SNAPC5: variants seen among roughly 807,000 people sequenced by gnomAD.
The protein encoded by SNAPC5 is small nuclear RNA activating complex polypeptide 5, also known as snRNA-activating protein complex subunit 5.
SNAPC5 carries 12 observed loss-of-function variants against 9.1 expected under a neutral mutation model. The ratio of observed to expected loss-of-function variants is 1.32; its 90% CI spans 0.85 to 2.15. The LOEUF (loss-of-function observed/expected upper bound fraction) is 2.15, where lower values mean the gene tolerates loss of function less well. Among genes scored for constraint, SNAPC5 ranks in the 30% most tolerant of loss-of-function variants. The pLI, the probability that SNAPC5 is intolerant of heterozygous loss-of-function variation, is 0.00. For synonymous variants in SNAPC5, 52 were observed against 47.3 expected (o/e 1.10, Z -0.41); for missense variants, 132 against 114.4 (o/e 1.15, Z -0.70).
At chr15:66,490,534 G>A, downstream of SNAPC5, 2 of 1,614,122 alleles carry the variant, frequency 1.2e-6, no homozygotes, top group Admixed American at 1.7e-5. Context: ...CTGATGCTGA[G>A]GAAGTGGATT....
chr15:66,492,485 A>ACTT (rs1893287087), downstream of SNAPC5, among the ~76,000 whole-genome samples: 1 of 152,146 alleles, frequency 6.6e-6, no homozygotes, highest in African/African-American at 2.4e-5. Flanking sequence ...CAACAGTTTA[A>ACTT]CTTATACATT....
At chr15:66,491,404 A>G (rs1893253454), downstream of SNAPC5, 1 of 231,124 alleles carries the variant, frequency 4.3e-6, no homozygotes, top group African/African-American at 2.2e-5. Flanking sequence ...ATATCCAAGT[A>G]CCAATGCTGT....
downstream of SNAPC5, chr15:66,490,201 G>C (rs369169545): frequency 1.8e-6 from 1 of 548,338 alleles, no homozygotes; most frequent in African/African-American, 1.9e-5. Flanking sequence ...TATGCACTAA[G>C]TCCATCATTT....
At chr15:66,493,251 A>G (rs752161121), downstream of SNAPC5, among the ~76,000 whole-genome samples, 18 of 152,234 alleles carry the variant, frequency 1.2e-4, no homozygotes, top group Non-Finnish European at 2.2e-4. Context: ...AAATTAAGCA[A>G]CTACTTATTT....
downstream of SNAPC5, chr15:66,491,913 C>A: frequency 2.2e-6 from 1 of 452,936 alleles, no homozygotes; most frequent in Non-Finnish European, 4.4e-6. Context: ...TTCTCATTTT[C>A]CATATACCAA....
In SNAPC5 at chr15:66,497,665, G is replaced by A; in HGVS notation, c.67C>T (p.His23Tyr). ...ETLLRLKAAL[H>Y]DQLNRLKVEE... ...ACCTTGAGGCGGTTCAGCTGGTCGT[G>A]CAGGGCTGCCTTCAACCGCAGCAGC... The change falls in exon 1 of 3, where the codon CAC becomes TAC. Residue 23 changes from histidine (H) to tyrosine (Y), a missense_variant. By Grantham distance (83) the His-to-Tyr change is moderately conservative. Coordinates refer to ENST00000316634, the MANE Select transcript of SNAPC5 (RefSeq NM_001329615.2). 6.2e-7 allele frequency: 1 copy of A among 1,614,074 alleles called. No individual in the cohort carries two copies. The highest frequency in any genetic ancestry group is 8.5e-7 in the Non-Finnish European group (1 of 1,179,980).
In SNAPC5 at chr15:66,494,386, G is replaced by T; in HGVS notation, c.*50C>A. The T allele has an allele frequency of 8.1e-7, 1 of 1,239,152 alleles. No individual in the cohort carries two copies. Among genetic ancestry groups the T allele is most frequent in the Non-Finnish European group, 1.2e-6 (1 of 849,818 alleles). 76.8% of individuals were successfully genotyped at this position (1,239,152 alleles called of 1,614,324 possible). ...ATTTCCTTGAGGAGAAGTAGCCTGAGCCTTAGAAATGCAATTTGTATAACT... is the reference window on the plus strand; with the variant it reads ...ATTTCCTTGAGGAGAAGTAGCCTGATCCTTAGAAATGCAATTTGTATAACT... On this transcript the variant is annotated 3_prime_UTR_variant, in exon 3 of 3. Coordinates refer to ENST00000316634, the MANE Select transcript of SNAPC5 (RefSeq NM_001329615.2).
At chr15:66,495,506 T>C (rs945659048) in intron 1 of SNAPC5, 87 bp from the exon 2 acceptor site, 31 of 773,368 alleles carry the variant, frequency 4.0e-5, no homozygotes, top group Non-Finnish European at 6.5e-5. Context: ...TATGAAACAT[T>C]TGCATCAAGA....
In SNAPC5 at chr15:66,497,698, C is replaced by T. The variant is rs151153879; in HGVS notation, c.34G>A (p.Glu12Lys). The T allele has an allele frequency of 6.8e-4, 1,105 of 1,613,726 alleles. 3 individuals carry two copies. In the Middle Eastern group the frequency reaches 0.013, roughly 19 times the overall value. Residue 12 changes from glutamate (E) to lysine (K), a missense_variant, in exon 1 of 3, where the codon GAG (glutamate) becomes AAG (lysine). Coordinates refer to ENST00000316634, the MANE Select transcript of SNAPC5 (RefSeq NM_001329615.2). ...GCCTTCAACCGCAGCAGCGTCTCCT[C>T]CTCCTTGCGCAGTTCCTGAAGCCGG... The part of the protein sequence containing the change: ...LSRLQELRKE[E>K]ETLLRLKAAL...
chr15:66,496,651 G>GT (rs1178576268), intron 1 of SNAPC5, among the ~76,000 whole-genome samples: 1 of 151,644 alleles, frequency 6.6e-6, no homozygotes, highest in Non-Finnish European at 1.5e-5. Flanking sequence ...AGTTTCCCAA[G>GT]TAGCTGGACT....
downstream of SNAPC5, chr15:66,490,623 G>A (rs1191089664): frequency 6.2e-7 from 1 of 1,611,860 alleles, no homozygotes; most frequent in Non-Finnish European, 8.5e-7. Context: ...TAAGTGTTTG[G>A]GAAGCAACAA....
downstream of SNAPC5, among the ~76,000 whole-genome samples, chr15:66,493,285 C>G (rs569641866): frequency 2.0e-5 from 3 of 152,240 alleles, no homozygotes; most frequent in African/African-American, 7.2e-5. Flanking sequence ...GGAAAAGGGA[C>G]AGTATGCAGA....
chr15:66,496,282 A>G (rs890280030), intron 1 of SNAPC5, among the ~76,000 whole-genome samples: 2 of 152,138 alleles, frequency 1.3e-5, no homozygotes, highest in African/African-American at 4.8e-5. Flanking sequence ...CTTGGCCAAC[A>G]TGGTGAAACC....
downstream of SNAPC5, chr15:66,489,928 T>C (rs1893188280): frequency 4.1e-6 from 3 of 730,584 alleles, no homozygotes; most frequent in East Asian, 5.2e-5. Flanking sequence ...TGCTCTCCCA[T>C]CAGTTTAAGG....
downstream of SNAPC5, chr15:66,490,028 C>A (rs889776551): frequency 5.2e-6 from 3 of 582,508 alleles, no homozygotes; most frequent in East Asian, 2.9e-5. Flanking sequence ...CAGCCCACCC[C>A]CTTCATGGGG....
intron 1 of SNAPC5, 25 bp downstream of exon 1, chr15:66,497,617 G>T (rs1177839691): frequency 2.1e-5 from 34 of 1,604,588 alleles, no homozygotes; most frequent in Non-Finnish European, 2.8e-5. Flanking sequence ...AATGGAGGAG[G>T]GGCAGGAGAG....
chr15:66,494,791 A>G (rs1194904685), intron 2 of SNAPC5: 10 of 443,060 alleles, frequency 2.3e-5, no homozygotes, highest in Admixed American at 3.9e-5. Flanking sequence ...ACAAAGCTCC[A>G]TAAGATTTGT....
chr15:66,492,436 CTT>C (rs34751712), downstream of SNAPC5: 8,579 of 153,928 alleles, frequency 0.056, 337 homozygotes, highest in Middle Eastern at 0.11. Flanking sequence ...AGCTAGTCAA[CTT>C]TTTTTTCTCT....
At chr15:66,495,206 T>C (rs888221980) in intron 2 of SNAPC5, 124 bp downstream of exon 2, 4 of 751,286 alleles carry the variant, frequency 5.3e-6, no homozygotes, top group Admixed American at 3.7e-5. Flanking sequence ...AAAACTGTTA[T>C]CAGCACTTCT....
Sources: gnomAD v4.1 joint callset for allele counts (sites outside exome capture counted in the v4.1 genomes callset) on GRCh38, gnomAD v4.1.1 for gene constraint, MANE v1.5 for transcripts, NCBI Gene and HGNC (gene_info 2026-07-23, HGNC 2026-07-21) for gene names.